HS2ST1: variants seen among roughly 807,000 people sequenced by gnomAD.
The protein encoded by HS2ST1 is 2-O-sulfotransferase.
In HS2ST1, 18 loss-of-function variants were observed where a neutral mutation model predicts 42.9. That is an observed-to-expected ratio of 0.42 (90% CI 0.29 to 0.62). The LOEUF is 0.62. Among genes scored for constraint, HS2ST1 ranks in the 20% least tolerant of loss-of-function variants. HS2ST1 has a pLI of 0.21. For synonymous variants in HS2ST1, 146 were observed against 152.9 expected (o/e 0.95, Z 0.33); for missense variants, 334 against 433.8 (o/e 0.77, Z 2.04).
At position 87,008,161 on chromosome 1, in the gene HS2ST1, A is replaced by G. The variant is rs182827059; in HGVS notation, c.125-64773A>G. 4.6e-5 allele frequency among the ~76,000 whole-genome samples: 7 copies of G among 152,290 alleles called. No individual in the cohort carries two copies. In the East Asian group the frequency reaches 1.3e-3, roughly 29 times the overall value. On this transcript the variant is annotated intron_variant, in intron 1 of 6. Transcript: ENST00000370550. ...AGTCTTCCTGACAAATAATTTAAGT[A>G]GAATGTTTCCTGTATTAAATCTCAA...
At chr1:87,011,345 C>T (rs1422792243) in intron 1 of HS2ST1, among the ~76,000 whole-genome samples, 1 of 152,040 alleles carries the variant, frequency 6.6e-6, no homozygotes, top group African/African-American at 2.4e-5. Flanking sequence ...CTCTTGGGCT[C>T]AAGCAATTCT....
chr1:86,954,456 G>A lies in HS2ST1; in HGVS notation c.124+39296G>A, dbSNP rs560683945. ...ATTAAGATTTATGATAAAAAAAGAC[G>A]TTGATTTGAGAATAACTTATCCATG... On this transcript the variant is annotated intron_variant, in intron 1 of 6. Transcript: ENST00000370550. 8.5e-5 allele frequency among the ~76,000 whole-genome samples: 13 copies of A among 152,290 alleles called. No individual in the cohort carries two copies. In the East Asian group the frequency reaches 9.6e-4, roughly 11 times the overall value.
chr1:86,996,355 T>C (rs193021333), intron 1 of HS2ST1, among the ~76,000 whole-genome samples: 43 of 148,926 alleles, frequency 2.9e-4, no homozygotes, highest in African/African-American at 1.0e-3. Context: ...GGCAGGAGAA[T>C]CGCTTGAACC....
At chr1:87,083,323 G>C (rs1028050605) in intron 2 of HS2ST1, among the ~76,000 whole-genome samples, 3 of 152,210 alleles carry the variant, frequency 2.0e-5, no homozygotes, top group Non-Finnish European at 4.4e-5. Context: ...ATAGCTTGCA[G>C]ATGGTTTCGG....
intron 1 of HS2ST1, among the ~76,000 whole-genome samples, chr1:86,993,403 T>C (rs957724495): frequency 1.3e-5 from 2 of 152,232 alleles, no homozygotes; most frequent in African/African-American, 4.8e-5. Context: ...ACATGTCTGC[T>C]GAAGCATAGT....
At chr1:87,032,136 T>C (rs1162601722) in intron 1 of HS2ST1, among the ~76,000 whole-genome samples, 3 of 152,214 alleles carry the variant, frequency 2.0e-5, no homozygotes, top group Non-Finnish European at 4.4e-5. Flanking sequence ...CTCTTAAATA[T>C]ATCAGTTAAT....
Position 87,068,271 on chromosome 1 carries a change from G to A in HS2ST1, c.125-4663G>A, listed in dbSNP as rs181284495. ...CAAAGTTTATAGTTCTCCTTGACGA[G>A]GTCCTTCACATCCCTTGTAAGCTGG... On this transcript the variant is annotated intron_variant, in intron 1 of 6. Coordinates refer to ENST00000370550, the MANE Select transcript of HS2ST1 (RefSeq NM_012262.4). Among the ~76,000 whole-genome samples the A allele has an allele frequency of 1.1e-3, 175 of 152,184 alleles. 1 individual carries two copies. Among genetic ancestry groups the A allele is most frequent in the Non-Finnish European group, 2.0e-3 (134 of 68,004 alleles).
At chr1:87,013,101 G>A (rs1471587601) in intron 1 of HS2ST1, among the ~76,000 whole-genome samples, 1 of 152,210 alleles carries the variant, frequency 6.6e-6, no homozygotes, top group Non-Finnish European at 1.5e-5. Context: ...CTAGGGTCTG[G>A]AGTACAGTGC....
intron 1 of HS2ST1, among the ~76,000 whole-genome samples, chr1:87,033,988 T>TA (rs1287545921): frequency 6.6e-6 from 1 of 152,198 alleles, no homozygotes; most frequent in Non-Finnish European, 1.5e-5. Flanking sequence ...TTTTACTGGT[T>TA]TAGAAGTTCA....
intron 1 of HS2ST1, among the ~76,000 whole-genome samples, chr1:86,986,871 C>A (rs1404866951): frequency 1.3e-5 from 2 of 152,060 alleles, no homozygotes; most frequent in African/African-American, 4.8e-5. Context: ...TTCCTTTAAG[C>A]CACCAAATTA....
intron 1 of HS2ST1, among the ~76,000 whole-genome samples, chr1:86,980,032 G>A (rs1402001850): frequency 2.6e-5 from 4 of 152,162 alleles, no homozygotes; most frequent in Admixed American, 6.5e-5. Context: ...AAGGTATGGC[G>A]AGAAAAAGCT....
intron 1 of HS2ST1, among the ~76,000 whole-genome samples, chr1:86,942,271 G>C (rs1020399194): frequency 1.3e-5 from 2 of 152,208 alleles, no homozygotes; most frequent in African/African-American, 4.8e-5. Flanking sequence ...ACTACTGCCA[G>C]CATCACTCAA....
At chr1:87,085,068 CTT>C (rs1479505755) in intron 3 of HS2ST1, among the ~76,000 whole-genome samples, 1 of 152,162 alleles carries the variant, frequency 6.6e-6, no homozygotes, top group African/African-American at 2.4e-5. Context: ...ATTAATTAAA[CTT>C]AATATTCCAA....
chr1:87,089,221 G>C (rs1396667027), intron 3 of HS2ST1, among the ~76,000 whole-genome samples: 1 of 152,028 alleles, frequency 6.6e-6, no homozygotes, highest in Non-Finnish European at 1.5e-5. Context: ...GTAAAAAAAT[G>C]AGCCTAGTTT....
chr1:87,047,712 C>T (rs1416794195), intron 1 of HS2ST1, among the ~76,000 whole-genome samples: 1 of 152,104 alleles, frequency 6.6e-6, no homozygotes, highest in African/African-American at 2.4e-5. Context: ...TTTCTAAAAT[C>T]AATTGATCAT....
chr1:86,972,761 G>A lies in HS2ST1; in HGVS notation c.124+57601G>A, dbSNP rs935079725. On this transcript the variant is annotated intron_variant, in intron 1 of 6. Transcript: ENST00000370550. The stretch of plus-strand genomic sequence containing the variant: ...ATGGGACAGTTATTCAAACTAGGAG[G>A]TTGACATATATGTTATTAACTGCAG... 1.2e-4 allele frequency among the ~76,000 whole-genome samples: 18 copies of A among 152,276 alleles called. No individual in the cohort carries two copies. In the South Asian group the frequency reaches 1.2e-3, roughly 11 times the overall value.
intron 1 of HS2ST1, among the ~76,000 whole-genome samples, chr1:86,944,098 G>T (rs1000585950): frequency 2.0e-5 from 3 of 152,094 alleles, no homozygotes; most frequent in Admixed American, 1.3e-4. Context: ...TGGGTAGGGG[G>T]TGATAAATTG....
At chr1:86,954,013 A>G (rs1214490693) in intron 1 of HS2ST1, among the ~76,000 whole-genome samples, 1 of 145,814 alleles carries the variant, frequency 6.9e-6, no homozygotes, top group East Asian at 2.1e-4. Context: ...CAATTGCAAT[A>G]GTAATAACAA....
At chr1:86,945,386 C>T (rs896836868) in intron 1 of HS2ST1, among the ~76,000 whole-genome samples, 1 of 152,158 alleles carries the variant, frequency 6.6e-6, no homozygotes, top group South Asian at 2.1e-4. Flanking sequence ...GCATATCCAA[C>T]TGTGTTAGGC....
Sources: allele counts gnomAD v4.1 joint callset (sites outside exome capture counted in the v4.1 genomes callset), GRCh38; gene constraint gnomAD v4.1.1; transcripts MANE v1.5; gene names NCBI Gene and HGNC (gene_info 2026-07-23, HGNC 2026-07-21).